Variants in NRG3 observed in about 807,000 individuals in gnomAD.
NRG3 encodes the protein neuregulin 3.
NRG3 carries 31 observed loss-of-function variants against 66.9 expected under a neutral mutation model. That is an observed-to-expected ratio of 0.46 (90% confidence interval 0.35 to 0.63). The LOEUF is 0.63. Among genes scored for constraint, NRG3 ranks in the 20% least tolerant of loss-of-function variants. NRG3 has a pLI of 0.00. For missense variants in NRG3, 910 were observed against 878.9 expected, an observed-to-expected ratio of 1.04 and a Z score of -0.45; for synonymous variants, 393 against 359.4, an observed-to-expected ratio of 1.09 and a Z score of -1.06.
At chr10:82,072,998 C>T (rs1025771158) in intron 1 of NRG3, among the ~76,000 whole-genome samples, 4 of 151,944 alleles carry the variant, frequency 2.6e-5, no homozygotes, top group African/African-American at 9.7e-5. Context: ...TGGTCTTGAA[C>T]TCCTGGTCTC....
chr10:82,393,179 G>A (rs1048908214), intron 2 of NRG3, among the ~76,000 whole-genome samples: 2 of 152,094 alleles, frequency 1.3e-5, no homozygotes, highest in African/African-American at 2.4e-5. Context: ...GTCAGTCGGA[G>A]GGGATATTGT....
intron 1 of NRG3, among the ~76,000 whole-genome samples, chr10:82,123,396 G>A (rs115686753): frequency 9.2e-5 from 14 of 152,114 alleles, no homozygotes; most frequent in South Asian, 6.2e-4. Flanking sequence ...CTTGAGTTTC[G>A]TGCTTTTAAG....
intron 2 of NRG3, among the ~76,000 whole-genome samples, chr10:82,689,034 A>G (rs2054721571): frequency 6.6e-6 from 1 of 152,196 alleles, no homozygotes; most frequent in Non-Finnish European, 1.5e-5. Context: ...AATGTTTATC[A>G]TTAGAACTGT....
rs2083613731 is a variant in NRG3, at chr10:82,354,056, C to G, written c.824-4683C>G. Among the ~76,000 whole-genome samples the G allele has an allele frequency of 1.5e-5, 2 of 135,060 alleles. 1 individual carries two copies. Among genetic ancestry groups the G allele is most frequent in the Admixed American group, 1.6e-4 (2 of 12,254 alleles). The allele number at this position is 135,060 out of a possible 152,430, so 88.6% of individuals were successfully genotyped here. ...TTTTTTTCCTGTTTTGAGACAGGGCCTCACTCAGCCCTGTCTCAAACAGGC... is the reference window on the plus strand; with the variant it reads ...TTTTTTTCCTGTTTTGAGACAGGGCGTCACTCAGCCCTGTCTCAAACAGGC... On this transcript the variant is annotated intron_variant, in intron 1 of 8. Transcript: ENST00000372141.
chr10:82,619,967 T>A (rs2048928944), intron 2 of NRG3, among the ~76,000 whole-genome samples: 1 of 151,440 alleles, frequency 6.6e-6, no homozygotes, highest in South Asian at 2.1e-4. Context: ...GATGCAGGAG[T>A]TTTTCTTAAC....
At chr10:82,244,261 TC>T (rs2077135125) in intron 1 of NRG3, among the ~76,000 whole-genome samples, 1 of 152,176 alleles carries the variant, frequency 6.6e-6, no homozygotes, top group Non-Finnish European at 1.5e-5. Context: ...TCAGATAATT[TC>T]AGAGCTCTTT....
chr10:82,848,194 A>C (rs781136882), intron 3 of NRG3, among the ~76,000 whole-genome samples: 1 of 152,214 alleles, frequency 6.6e-6, no homozygotes, highest in Non-Finnish European at 1.5e-5. Flanking sequence ...ACAATGAATA[A>C]AACAACACAA....
intron 1 of NRG3, among the ~76,000 whole-genome samples, chr10:82,266,258 C>T (rs1041150330): frequency 1.3e-5 from 2 of 152,022 alleles, no homozygotes; most frequent in African/African-American, 4.8e-5. Flanking sequence ...AAGGGGCAGT[C>T]GGGGAGGGTG....
At chr10:82,497,043 G>T (rs1843693815) in intron 2 of NRG3, among the ~76,000 whole-genome samples, 1 of 152,018 alleles carries the variant, frequency 6.6e-6, no homozygotes, top group Admixed American at 6.6e-5. Context: ...TACCAGATTT[G>T]AACTGACTGC....
At chr10:82,572,696 A>G (rs2045812957) in intron 2 of NRG3, among the ~76,000 whole-genome samples, 1 of 151,466 alleles carries the variant, frequency 6.6e-6, no homozygotes, top group Non-Finnish European at 1.5e-5. Context: ...AATTCTGGTA[A>G]AAGTAATGTA....
chr10:82,814,903 T>G (rs958900744), intron 3 of NRG3, among the ~76,000 whole-genome samples: 9 of 152,192 alleles, frequency 5.9e-5, no homozygotes, highest in African/African-American at 1.9e-4. Context: ...CACCTGAGAC[T>G]GTATCCATTT....
chr10:82,752,411 TC>T (rs1420960587), intron 3 of NRG3, among the ~76,000 whole-genome samples: 1 of 152,086 alleles, frequency 6.6e-6, no homozygotes, highest in African/African-American at 2.4e-5. Context: ...GAACAAAAAA[TC>T]CCCTTATCTC....
At chr10:82,213,868 A>G (rs1322415523) in intron 1 of NRG3, among the ~76,000 whole-genome samples, 1 of 152,154 alleles carries the variant, frequency 6.6e-6, no homozygotes, top group Non-Finnish European at 1.5e-5. Context: ...AGGAATCTGG[A>G]GGTAAGTAGC....
chr10:81,949,541 C>A (rs1476298988), intron 1 of NRG3, among the ~76,000 whole-genome samples: 1 of 152,084 alleles, frequency 6.6e-6, no homozygotes, highest in East Asian at 1.9e-4. Flanking sequence ...GTGTGATATG[C>A]CCGAGGGTTT....
intron 3 of NRG3, among the ~76,000 whole-genome samples, chr10:82,740,883 A>T (rs2058394218): frequency 6.6e-6 from 1 of 152,018 alleles, no homozygotes; most frequent in Non-Finnish European, 1.5e-5. Flanking sequence ...ATTAAGTGAA[A>T]CTGCAAGATA....
intron 2 of NRG3, among the ~76,000 whole-genome samples, chr10:82,397,899 G>T (rs1430459544): frequency 3.9e-5 from 6 of 152,250 alleles, no homozygotes; most frequent in Admixed American, 3.3e-4. Flanking sequence ...GGCAAAGAAA[G>T]GTCAAGGAAG....
At chr10:82,956,049 A>C (rs755492731) in intron 5 of NRG3, among the ~76,000 whole-genome samples, 40 of 151,820 alleles carry the variant, frequency 2.6e-4, no homozygotes, top group Non-Finnish European at 4.7e-4. Context: ...TTGCTTCCAC[A>C]GGTGTTGATA....
chr10:82,059,133 T>C (rs570753207), intron 1 of NRG3, among the ~76,000 whole-genome samples: 94 of 152,238 alleles, frequency 6.2e-4, no homozygotes, highest in Non-Finnish European at 9.1e-4. Flanking sequence ...GGCCAAGCAA[T>C]GAATTGTGGA....
intron 2 of NRG3, among the ~76,000 whole-genome samples, chr10:82,699,183 G>A (rs954955965): frequency 2.0e-5 from 3 of 151,790 alleles, no homozygotes; most frequent in Admixed American, 6.6e-5. Context: ...TCTAGCCCAG[G>A]GAAGTTCCTG....
Sources: allele counts gnomAD v4.1 joint callset (sites outside exome capture counted in the v4.1 genomes callset), GRCh38; gene constraint gnomAD v4.1.1; transcripts MANE v1.5; gene names NCBI Gene and HGNC (gene_info 2026-07-23, HGNC 2026-07-21).